Variants in ARRDC2 observed in about 807,000 individuals in gnomAD.
ARRDC2 encodes arrestin domain containing 2, also known as arrestin domain-containing protein 2.
Under a neutral mutation model 38.9 loss-of-function variants are expected in ARRDC2, and 39 were observed. The ratio of observed to expected loss-of-function variants is 1.00; its 90% CI spans 0.78 to 1.31. The LOEUF is 1.31. ARRDC2 is among the 50% of genes most tolerant of loss of function. ARRDC2 has a pLI of 0.00. For missense variants in ARRDC2, 553 were observed against 588.4 expected (o/e 0.94, Z 0.62); for synonymous variants, 300 against 261.9 (o/e 1.15, Z -1.41).
chr19:18,010,554 C>T lies in ARRDC2; in HGVS notation c.1013-18C>T. 8 of 1,612,830 alleles carry T rather than the reference C, an allele frequency of 5.0e-6. No homozygotes were observed. Among genetic ancestry groups the T allele is most frequent in the Non-Finnish European group, 6.8e-6 (8 of 1,179,694 alleles). ...GCTCTCTCCTGCCAACCTCACCCAC[C>T]CTGTCTCTCGCTTCCAGCTCCTCCT... On this transcript the variant is annotated intron_variant, in intron 6 of 7. Coordinates refer to ENST00000222250, the MANE Select transcript of ARRDC2 (RefSeq NM_015683.2).
chr19:18,008,121 ACCCC>A, upstream of ARRDC2: 35 of 364,070 alleles, frequency 9.6e-5, no homozygotes, highest in African/African-American at 8.1e-4. Flanking sequence ...CGGTGACCCC[ACCCC>A]CCCCCGCCCT....
At chr19:18,005,480 T>C (rs1428769326), upstream of ARRDC2, among the ~76,000 whole-genome samples, 1 of 152,162 alleles carries the variant, frequency 6.6e-6, no homozygotes, top group South Asian at 2.1e-4. Flanking sequence ...ATTGTCATCA[T>C]GGCCCGTTCT....
At position 18,009,880 on chromosome 19, in the gene ARRDC2, A is replaced by C; in HGVS notation, c.690A>C (p.Arg230=). The C allele has an allele frequency of 6.2e-7, 1 of 1,611,030 alleles. No homozygotes were observed. The highest frequency in any genetic ancestry group is 1.1e-5 in the South Asian group (1 of 91,080). The change falls in exon 5 of 8, where the codon CGA becomes CGC. Residue 230 remains arginine (R), a synonymous_variant. Transcript: ENST00000222250. ...AVVQTQTFMA[R]GARKQKRAVV... ...TGCAGACACAGACGTTCATGGCCCGAGGCGCCCGAAAGCAGAAACGGGCAG... is the reference window on the plus strand; with the variant it reads ...TGCAGACACAGACGTTCATGGCCCGCGGCGCCCGAAAGCAGAAACGGGCAG...
upstream of ARRDC2, among the ~76,000 whole-genome samples, chr19:18,005,610 CGGGTGGGGGGCTG>C (rs1568465577): frequency 4.2e-4 from 62 of 147,734 alleles, no homozygotes; most frequent in Admixed American, 6.0e-4. Context: ...GGCGGCTGGC[CGGGTGGGGGGCTG>C]ACCCCCCGAC....
At chr19:18,003,992 C>T (rs895786092), upstream of ARRDC2, among the ~76,000 whole-genome samples, 1 of 150,684 alleles carries the variant, frequency 6.6e-6, no homozygotes, top group South Asian at 2.1e-4. Flanking sequence ...AGGCTGGTCA[C>T]GAAATCCTGA....
chr19:18,008,121 A>AAC, upstream of ARRDC2: 10 of 364,076 alleles, frequency 2.7e-5, no homozygotes, highest in South Asian at 8.4e-5. Flanking sequence ...CGGTGACCCC[A>AAC]CCCCCCCCCG....
In ARRDC2 at chr19:18,008,251, C is replaced by A; in HGVS notation, c.-60C>A. 1.9e-6 allele frequency: 3 copies of A among 1,562,340 alleles called. No homozygotes were observed. Among genetic ancestry groups the A allele is most frequent in the Non-Finnish European group, 2.6e-6 (3 of 1,166,352 alleles). ...GAGGCTGCAGCGTCGGCATCTTGAG[C>A]TGCCGGTTCGCGAGTTCGAGGCCAG... On this transcript the variant is annotated 5_prime_UTR_variant, in exon 1 of 8. In the 5' UTR this introduces an upstream ATG that the reference lacks. Transcript: ENST00000222250.
chr19:18,009,515 G>T, intron 3 of ARRDC2, 77 bp from the exon 4 acceptor site: 1 of 1,322,200 alleles, frequency 7.6e-7, no homozygotes, highest in South Asian at 1.4e-5. Flanking sequence ...CCTCAGCTGG[G>T]GGTGGTTTGG....
At chr19:18,010,483 A>T in intron 6 of ARRDC2, 89 bp from the exon 7 acceptor site, 1 of 1,559,018 alleles carries the variant, frequency 6.4e-7, no homozygotes, top group Non-Finnish European at 8.7e-7. Flanking sequence ...TGGCAGCCCC[A>T]GAGCTGGCAC....
At chr19:18,006,955 C>G (rs2033292031), upstream of ARRDC2, among the ~76,000 whole-genome samples, 1 of 152,226 alleles carries the variant, frequency 6.6e-6, no homozygotes, top group African/African-American at 2.4e-5. Context: ...AGGCAGCCTT[C>G]CAGGCTGATC....
exon 1 of ARRDC2, chr19:18,001,427 C>CGCT (rs1372270625): frequency 8.1e-7 from 1 of 1,233,848 alleles, no homozygotes; most frequent in Non-Finnish European, 1.0e-6. Context: ...GCGGCGGCGC[C>CGCT]GCTGCGGGTG....
In ARRDC2 at chr19:18,008,904, G is replaced by T. The variant is rs1359519567; in HGVS notation, c.342-67G>T. On this transcript the variant is annotated intron_variant, in intron 2 of 7. Coordinates refer to ENST00000222250, the MANE Select transcript of ARRDC2 (RefSeq NM_015683.2). ...CCCCTGGGAGGCCCCCGGAGTGTCT[G>T]TGTCTCCTTCTCCCTGCCTGCTTGT... The T allele has an allele frequency of 2.5e-6, 4 of 1,603,558 alleles. No homozygotes were observed. In the East Asian group the frequency reaches 9.0e-5, roughly 36 times the overall value.
upstream of ARRDC2, chr19:18,008,105 A>T (rs995829497): frequency 1.6e-5 from 19 of 1,163,940 alleles, no homozygotes; most frequent in African/African-American, 3.4e-4. Context: ...CGGGGCGGGG[A>T]AGAGACGGTG....
rs1411973907 is a variant in ARRDC2, at chr19:18,010,575, C to T, written c.1016C>T (p.Pro339Leu). ...LGALPERPEAPPEYSEVVADT... is the reference protein window; with the variant it reads ...LGALPERPEALPEYSEVVADT... The stretch of plus-strand genomic sequence containing the variant: ...CCACCCTGTCTCTCGCTTCCAGCTC[C>T]TCCTGAGTACTCGGAGGTGGTAGCC... The change falls in exon 7 of 8, where the codon CCT becomes CTT. Residue 339 changes from proline to leucine, a missense_variant. Physicochemically the swap from Pro to Leu is moderately conservative, Grantham distance 98. Coordinates refer to ENST00000222250, the MANE Select transcript of ARRDC2 (RefSeq NM_015683.2). The T allele has an allele frequency of 1.2e-6, 2 of 1,613,622 alleles. No individual in the cohort carries two copies. The highest frequency in any genetic ancestry group is 4.5e-5 in the East Asian group (2 of 44,866).
At chr19:18,007,976 T>C, upstream of ARRDC2, 1 of 481,078 alleles carries the variant, frequency 2.1e-6, no homozygotes, top group Non-Finnish European at 3.5e-6. Flanking sequence ...AGGGCTTCAG[T>C]TTCTCCCCGG....
At chr19:18,011,115 A>G (rs2033403172) in intron 7 of ARRDC2, among the ~76,000 whole-genome samples, 1 of 152,170 alleles carries the variant, frequency 6.6e-6, no homozygotes, top group Non-Finnish European at 1.5e-5. Context: ...CTCCTGCCTC[A>G]GCCTTCCGAG....
rs1281668381 is a variant in ARRDC2, at chr19:18,013,599, GT to G, written c.*634del. On this transcript the variant is annotated 3_prime_UTR_variant, in exon 8 of 8. Coordinates refer to ENST00000222250, the MANE Select transcript of ARRDC2 (RefSeq NM_015683.2). Reference sequence around the variant, plus strand: ...AACGAGGCGTTCAGGAAAGCAGGTTGTCAGAGCTATGTGGAGTCTGTGGGTG... The same window carrying G: ...AACGAGGCGTTCAGGAAAGCAGGTTGCAGAGCTATGTGGAGTCTGTGGGTG... 6.6e-6 allele frequency: 1 copy of G among 152,324 alleles called. No individual in the cohort carries two copies. The highest frequency in any genetic ancestry group is 1.5e-5 in the Non-Finnish European group (1 of 68,122). 9.4% of individuals were successfully genotyped at this position (152,324 alleles called of 1,614,324 possible).
At chr19:18,012,736 G>A (rs1379453069) in intron 7 of ARRDC2, among the ~76,000 whole-genome samples, 177 bp from the exon 8 acceptor site, 1 of 152,140 alleles carries the variant, frequency 6.6e-6, no homozygotes, top group African/African-American at 2.4e-5. Flanking sequence ...GATACCAAGG[G>A]ACGGTATACA....
At chr19:18,001,623 G>C (rs1242510858) in intron 1 of ARRDC2, 3 of 1,289,376 alleles carry the variant, frequency 2.3e-6, no homozygotes, top group Non-Finnish European at 3.0e-6. Context: ...CCCCTCGGCC[G>C]CGACCCTCTT....
Sources: gnomAD v4.1 joint callset for allele counts (sites outside exome capture counted in the v4.1 genomes callset) on GRCh38, gnomAD v4.1.1 for gene constraint, MANE v1.5 for transcripts, NCBI Gene and HGNC (gene_info 2026-07-23, HGNC 2026-07-21) for gene names.